ARL6IP6: variants seen among roughly 807,000 people sequenced by gnomAD.
ARL6IP6 encodes ADP-ribosylation factor-like protein 6-interacting protein 6.
Under a neutral mutation model 21.5 loss-of-function variants are expected in ARL6IP6, and 22 were observed. The ratio of observed to expected loss-of-function variants is 1.02; its 90% CI spans 0.73 to 1.46. The LOEUF (loss-of-function observed/expected upper bound fraction) is 1.46, where lower values mean the gene tolerates loss of function less well. ARL6IP6 is among the 40% of genes most tolerant of loss of function. The probability of loss-of-function intolerance (pLI) is 0.00; values close to 1 mark genes in which losing one functional copy is unlikely to be tolerated. For synonymous variants in ARL6IP6, 164 were observed against 125.3 expected, an observed-to-expected ratio of 1.31 and a Z score of -2.06; for missense variants, 388 against 299.8, an observed-to-expected ratio of 1.29 and a Z score of -2.17.
At chr2:152,756,092 A>G (rs1701580539) in intron 3 of ARL6IP6, among the ~76,000 whole-genome samples, 1 of 152,120 alleles carries the variant, frequency 6.6e-6, no homozygotes, top group South Asian at 2.1e-4. Flanking sequence ...GATGATGTCT[A>G]ATTTAGGTTT....
At chr2:152,747,372 T>G (rs1419753519) in intron 3 of ARL6IP6, among the ~76,000 whole-genome samples, 2 of 152,176 alleles carry the variant, frequency 1.3e-5, no homozygotes, top group African/African-American at 4.8e-5. Context: ...GCGCATACTG[T>G]TAGGTGTTTA....
chr2:152,723,336 C>T (rs1433216304), intron 2 of ARL6IP6, among the ~76,000 whole-genome samples: 2 of 152,204 alleles, frequency 1.3e-5, no homozygotes, highest in East Asian at 3.8e-4. Flanking sequence ...TATTATATTT[C>T]ACTATTTATT....
At chr2:152,752,615 G>A (rs1214060658) in intron 3 of ARL6IP6, among the ~76,000 whole-genome samples, 1 of 152,128 alleles carries the variant, frequency 6.6e-6, no homozygotes, top group African/African-American at 2.4e-5. Context: ...AAGTTTTCTG[G>A]GTTTTAAGTA....
chr2:152,743,441 G>A (rs1159107173), intron 3 of ARL6IP6, among the ~76,000 whole-genome samples: 1 of 152,134 alleles, frequency 6.6e-6, no homozygotes, highest in Non-Finnish European at 1.5e-5. Context: ...CATTAACATT[G>A]TAGGAATGTA....
chr2:152,718,805 G>C lies in ARL6IP6; in HGVS notation c.181G>C (p.Ala61Pro), dbSNP rs79229623. Reference protein sequence around the residue: ...VARDLRAEFSAGAWSEPRKRS... With the variant: ...VARDLRAEFSPGAWSEPRKRS... ...CCGCGACCTGCGGGCGGAGTTCTCG[G>C]CTGGGGCGTGGTCAGAGCCCAGAAA... The change falls in exon 1 of 4, where the codon GCT (alanine) becomes CCT (proline). Residue 61 changes from alanine to proline, a missense_variant. Transcript: ENST00000326446. 944 of 1,607,464 alleles carry C rather than the reference G, an allele frequency of 5.9e-4. 3 individuals carry two copies. In the African/African-American group the frequency reaches 0.011, roughly 18 times the overall value.
intron 2 of ARL6IP6, among the ~76,000 whole-genome samples, chr2:152,731,772 A>G (rs981012323): frequency 6.6e-6 from 1 of 152,176 alleles, no homozygotes; most frequent in East Asian, 1.9e-4. Context: ...TTAAATTCTT[A>G]CATCCTTCCA....
At position 152,760,416 on chromosome 2, in the gene ARL6IP6, T is replaced by C. The variant is rs1701786630; in HGVS notation, c.*576T>C. The C allele has an allele frequency of 6.6e-6, 1 of 152,132 alleles. No homozygotes were observed. Among genetic ancestry groups the C allele is most frequent in the African/African-American group, 2.4e-5 (1 of 41,434 alleles). The allele number at this position is 152,132 out of a possible 1,614,324, so 9.4% of individuals were successfully genotyped here. A position where few individuals can be genotyped will look rare whatever the true frequency, so the allele number is the denominator to read the frequency against. On this transcript the variant is annotated 3_prime_UTR_variant, in exon 4 of 4. Transcript: ENST00000326446. ...TAGTTCCTTATGTGTTTTTTTAATG[T>C]ATTTTCATACTACATACTGAATTTG...
intron 2 of ARL6IP6, among the ~76,000 whole-genome samples, chr2:152,729,109 C>T (rs952899238): frequency 1.3e-5 from 2 of 151,874 alleles, no homozygotes; most frequent in African/African-American, 4.8e-5. Flanking sequence ...CAGTTGCTCA[C>T]GCCTGTAATC....
intron 2 of ARL6IP6, among the ~76,000 whole-genome samples, chr2:152,733,028 A>G (rs1206790745): frequency 1.3e-5 from 2 of 152,244 alleles, no homozygotes; most frequent in East Asian, 3.9e-4. Context: ...CATGGTTAGA[A>G]AGGTCTTTAT....
At position 152,761,159 on chromosome 2, in the gene ARL6IP6, AC is replaced by A. The variant is rs1291938123; in HGVS notation, c.*1320del. 6.6e-6 allele frequency: 1 copy of A among 152,186 alleles called. No homozygotes were observed. Among genetic ancestry groups the A allele is most frequent in the Non-Finnish European group, 1.5e-5 (1 of 68,032 alleles). The allele number at this position is 152,186 out of a possible 1,614,324, so 9.4% of individuals were successfully genotyped here. On this transcript the variant is annotated 3_prime_UTR_variant, in exon 4 of 4. Transcript: ENST00000326446. ...TCTACTGAATGTTGTTACCGACTAA[AC>A]AAGGTTTCTAAAAGTCTCGCATTTC... is the stretch of plus-strand genomic sequence containing the variant.
upstream of ARL6IP6, chr2:152,717,991 A>C (rs1699261006): frequency 1.0e-6 from 1 of 998,142 alleles, no homozygotes; most frequent in Non-Finnish European, 1.2e-6. Flanking sequence ...CTCCGTACGC[A>C]CCAGGTGGAG....
At chr2:152,724,127 AGAG>A (rs377211654) in intron 2 of ARL6IP6, among the ~76,000 whole-genome samples, 12 of 98,904 alleles carry the variant, frequency 1.2e-4, no homozygotes, top group South Asian at 3.3e-4. Flanking sequence ...AAAAAAAAAA[AGAG>A]AGAAAGCCAA....
At chr2:152,720,048 A>G in intron 1 of ARL6IP6, 1 of 433,798 alleles carries the variant, frequency 2.3e-6, no homozygotes, top group South Asian at 1.7e-5. Context: ...GTCTTAAATG[A>G]TTGGCTGCCA....
intron 3 of ARL6IP6, among the ~76,000 whole-genome samples, chr2:152,745,364 C>G (rs994575946): frequency 6.6e-6 from 1 of 152,092 alleles, no homozygotes; most frequent in Non-Finnish European, 1.5e-5. Context: ...ATACAGTTAG[C>G]CTATCCTCAT....
At chr2:152,731,924 C>T (rs1700334599) in intron 2 of ARL6IP6, among the ~76,000 whole-genome samples, 1 of 151,902 alleles carries the variant, frequency 6.6e-6, no homozygotes, top group African/African-American at 2.4e-5. Flanking sequence ...TTCAGCTCAC[C>T]AGTATATTTT....
chr2:152,735,922 G>A (rs1700529384), intron 3 of ARL6IP6, among the ~76,000 whole-genome samples: 1 of 152,080 alleles, frequency 6.6e-6, no homozygotes, highest in African/African-American at 2.4e-5. Flanking sequence ...TCAAAATTGT[G>A]CTAGTATAGT....
chr2:152,731,735 C>T lies in ARL6IP6; in HGVS notation c.455-3259C>T, dbSNP rs182272952. On this transcript the variant is annotated intron_variant, in intron 2 of 3. Coordinates refer to ENST00000326446, the MANE Select transcript of ARL6IP6 (RefSeq NM_152522.7). ...GGCTTACTCTTTTCTCCCAACCACT[C>T]TTTCCTCCCTCCTCAGAGAACCAAT... Among the ~76,000 whole-genome samples, 156 of 152,286 alleles carry T rather than the reference C, an allele frequency of 1.0e-3. 1 individual carries two copies. The highest frequency in any genetic ancestry group is 3.7e-3 in the African/African-American group (152 of 41,558).
intron 3 of ARL6IP6, among the ~76,000 whole-genome samples, chr2:152,741,792 TC>T (rs776690157): frequency 2.6e-5 from 4 of 152,204 alleles, no homozygotes; most frequent in Admixed American, 6.5e-5. Context: ...GAAAGATGGT[TC>T]CATGTATTTG....
At position 152,719,016 on chromosome 2, in the gene ARL6IP6, T is replaced by C; in HGVS notation, c.392T>C (p.Ile131Thr). Residue 131 changes from isoleucine to threonine, a missense_variant, in exon 1 of 4, where the codon ATC (isoleucine) becomes ACC (threonine). Transcript: ENST00000326446. ...TTCCTCCTCGCCATCGCCTACTTGA[T>C]CGTTAAAGGTATTGAAGCCGACGCC... is the stretch of plus-strand genomic sequence containing the variant. ...LAFLLAIAYL[I>T]VKELHAENLK... 3 of 1,562,384 alleles carry C rather than the reference T, an allele frequency of 1.9e-6. No individual in the cohort carries two copies. Among genetic ancestry groups the C allele is most frequent in the Non-Finnish European group, 2.6e-6 (3 of 1,152,682 alleles).
Sources: gnomAD v4.1 joint callset for allele counts (sites outside exome capture counted in the v4.1 genomes callset) on GRCh38, gnomAD v4.1.1 for gene constraint, MANE v1.5 for transcripts, NCBI Gene and HGNC (gene_info 2026-07-23, HGNC 2026-07-21) for gene names.